The following MAP3K7CL variants were observed in gnomAD, a reference collection of about 807,000 sequenced individuals.
The protein encoded by MAP3K7CL is MAP3K7 C-terminal like, also known as MAP3K7 C-terminal-like protein.
Under a neutral mutation model 18.6 loss-of-function variants are expected in MAP3K7CL, and 16 were observed. The ratio of observed to expected loss-of-function variants is 0.86; its 90% CI spans 0.58 to 1.31. MAP3K7CL has a LOEUF of 1.31. MAP3K7CL is among the 50% of genes most tolerant of loss of function. MAP3K7CL has a pLI of 0.00. For synonymous variants in MAP3K7CL, 65 were observed against 66.8 expected, an observed-to-expected ratio of 0.97 and a Z score of 0.13; for missense variants, 163 against 174.4, an observed-to-expected ratio of 0.93 and a Z score of 0.37.
intron 4 of MAP3K7CL, among the ~76,000 whole-genome samples, chr21:29,101,711 T>A (rs1000385667): frequency 1.3e-5 from 2 of 152,146 alleles, no homozygotes; most frequent in Non-Finnish European, 1.5e-5. Flanking sequence ...CCCGGCCACA[T>A]TTAACATTTT....
At chr21:29,091,680 G>C in exon 3 of MAP3K7CL, 1 of 701,732 alleles carries the variant, frequency 1.4e-6, no homozygotes, top group Non-Finnish European at 2.6e-6. Flanking sequence ...ATGGAGTCTC[G>C]CTATTTTGCC....
intron 2 of MAP3K7CL, among the ~76,000 whole-genome samples, chr21:29,144,518 A>G (rs1204103991): frequency 2.0e-5 from 3 of 152,226 alleles, no homozygotes; most frequent in African/African-American, 7.2e-5. Context: ...CTGAGAACCT[A>G]TGGACTAGTA....
chr21:29,171,239 T>C (rs2087819222), intron 4 of MAP3K7CL, among the ~76,000 whole-genome samples: 1 of 152,234 alleles, frequency 6.6e-6, no homozygotes, highest in East Asian at 1.9e-4. Context: ...TAAGTATTTA[T>C]TGTGAGCCTA....
Position 29,091,577 on chromosome 21 carries a change from G to A in MAP3K7CL, c.133+1G>A, listed in dbSNP as rs1332370736. The A allele has an allele frequency of 1.0e-5, 7 of 701,240 alleles. No homozygotes were observed. Among genetic ancestry groups the A allele is most frequent in the Non-Finnish European group, 1.8e-5 (7 of 384,492 alleles). 43.4% of individuals were successfully genotyped at this position (701,240 alleles called of 1,614,324 possible). ...TACAGCCCTGACCTCCTGGGCCCAG[G>A]TAATTGTCCCACCTCAGCCCCTCAA... On this transcript the variant is annotated splice_donor_variant, in intron 2 of 6. Coordinates refer to the MAP3K7CL transcript ENST00000286791. LOFTEE classifies it high-confidence loss of function.
At chr21:29,133,558 G>C (rs1422225471) in intron 2 of MAP3K7CL, 144 bp downstream of exon 2, 3 of 529,230 alleles carry the variant, frequency 5.7e-6, no homozygotes, top group East Asian at 6.7e-5. Context: ...ATCATGCATT[G>C]TTAGATGGCG....
upstream of MAP3K7CL, among the ~76,000 whole-genome samples, chr21:29,130,057 C>T (rs1253706910): frequency 6.6e-6 from 1 of 152,074 alleles, no homozygotes; most frequent in Non-Finnish European, 1.5e-5. Flanking sequence ...GATGCCAGTC[C>T]ATCATCTGAT....
upstream of MAP3K7CL, among the ~76,000 whole-genome samples, chr21:29,081,117 G>T (rs1294875672): frequency 6.6e-6 from 1 of 152,094 alleles, no homozygotes; most frequent in Non-Finnish European, 1.5e-5. Flanking sequence ...AAATACAAGA[G>T]GGCCTCTTTT....
chr21:29,125,080 C>A (rs56324234), intron 4 of MAP3K7CL, among the ~76,000 whole-genome samples: 289 of 152,208 alleles, frequency 1.9e-3, no homozygotes, highest in Non-Finnish European at 3.4e-3. Flanking sequence ...ATCTAGGTAC[C>A]CTTTGGATGT....
intron 3 of MAP3K7CL, among the ~76,000 whole-genome samples, chr21:29,153,906 A>G (rs1344200400): frequency 3.3e-5 from 5 of 152,228 alleles, no homozygotes; most frequent in Non-Finnish European, 7.3e-5. Context: ...TTTGACTTAC[A>G]CATGATCCAA....
At chr21:29,123,799 T>C (rs1568948456) in intron 4 of MAP3K7CL, among the ~76,000 whole-genome samples, 1 of 152,198 alleles carries the variant, frequency 6.6e-6, no homozygotes, top group Non-Finnish European at 1.5e-5. Context: ...GAGAGTGCTC[T>C]TCCTTTTTGG....
intron 1 of MAP3K7CL, among the ~76,000 whole-genome samples, chr21:29,131,817 G>GTATA (rs55952827): frequency 0.083 from 12,628 of 151,922 alleles, 675 homozygotes; most frequent in Non-Finnish European, 0.12. Context: ...AAATATACAT[G>GTATA]TATATATATA....
rs58666252 is a variant in MAP3K7CL, at chr21:29,121,055, G to GACCCTGTATCAAAAAAAGATATAT, written c.371-28133_371-28132insCCCTGTATCAAAAAAAGATATATA. ...TACTTCAGCCTGGGCAACAGAGTCA[G>GACCCTGTATCAAAAAAAGATATAT]ATATATATATATAGTGTATATATGA... On this transcript the variant is annotated intron_variant, in intron 4 of 6. Coordinates refer to the MAP3K7CL transcript ENST00000286791. Among the ~76,000 whole-genome samples the GACCCTGTATCAAAAAAAGATATAT allele has an allele frequency of 2.1e-4, 26 of 121,094 alleles. 3 individuals carry two copies. Among genetic ancestry groups the GACCCTGTATCAAAAAAAGATATAT allele is most frequent in the East Asian group, 9.7e-4 (4 of 4,118 alleles). 79.4% of individuals were successfully genotyped at this position (121,094 alleles called of 152,430 possible).
At chr21:29,164,737 A>G (rs140591299) in intron 4 of MAP3K7CL, among the ~76,000 whole-genome samples, 58 of 152,274 alleles carry the variant, frequency 3.8e-4, no homozygotes, top group Non-Finnish European at 6.6e-4. Context: ...GAGGTTTGTT[A>G]TATTTTTACT....
chr21:29,094,229 A>G (rs558589449), intron 4 of MAP3K7CL, among the ~76,000 whole-genome samples: 71 of 152,348 alleles, frequency 4.7e-4, no homozygotes, highest in South Asian at 1.7e-3. Context: ...ACATCCCACA[A>G]TCCACAGAAC....
chr21:29,175,723 A>G lies in MAP3K7CL; in HGVS notation c.*831A>G, dbSNP rs2087951558. The G allele has an allele frequency of 6.6e-6, 1 of 152,212 alleles. No individual in the cohort carries two copies. 9.4% of individuals were successfully genotyped at this position (152,212 alleles called of 1,614,324 possible). The stretch of plus-strand genomic sequence containing the variant: ...ATTGTTTTGTTTTGGATTTAAGGAG[A>G]TGTTTTAGATCAGTAACAGCTAATA... On this transcript the variant is annotated 3_prime_UTR_variant, in exon 5 of 5. Transcript: ENST00000399928.
intron 2 of MAP3K7CL, among the ~76,000 whole-genome samples, chr21:29,141,170 C>A (rs758425698): frequency 6.6e-6 from 1 of 152,178 alleles, no homozygotes; most frequent in South Asian, 2.1e-4. Flanking sequence ...TAAATAGACA[C>A]TCACAAAATG....
intron 4 of MAP3K7CL, among the ~76,000 whole-genome samples, chr21:29,107,121 A>C (rs1382143013): frequency 6.6e-6 from 1 of 152,036 alleles, no homozygotes; most frequent in Non-Finnish European, 1.5e-5. Flanking sequence ...TTCAAGACCA[A>C]CCTGGCCAAG....
upstream of MAP3K7CL, among the ~76,000 whole-genome samples, chr21:29,084,171 T>C (rs2146478533): frequency 6.6e-6 from 1 of 151,606 alleles, no homozygotes; most frequent in East Asian, 1.9e-4. Context: ...AATAATTTTG[T>C]TTTTTACTTA....
rs754231178 is a variant in MAP3K7CL, at chr21:29,149,245, C to T, written c.127C>T (p.Leu43=). The change falls in exon 3 of 5, where the codon CTA becomes TTA. Residue 43 remains leucine (L), a synonymous_variant. Coordinates refer to ENST00000399928, the MANE Select transcript of MAP3K7CL (RefSeq NM_001286620.2). The part of the protein sequence containing the change: ...PLVFPELDQQ[L]QPLPPCHDSE... ...GGTCTTTCCAGAATTAGACCAGCAG[C>T]TACAGGTAAGGATTTTTCTAAAGTC... is the stretch of plus-strand genomic sequence containing the variant. 25 of 1,613,418 alleles carry T rather than the reference C, an allele frequency of 1.5e-5. No individual in the cohort carries two copies. The highest frequency in any genetic ancestry group is 3.4e-6 in the Non-Finnish European group (4 of 1,179,446).
Sources: gnomAD v4.1 joint callset for allele counts (sites outside exome capture counted in the v4.1 genomes callset) on GRCh38, gnomAD v4.1.1 for gene constraint, MANE v1.5 for transcripts, NCBI Gene and HGNC (gene_info 2026-07-23, HGNC 2026-07-21) for gene names.